Variants in NBEA observed in about 807,000 individuals in gnomAD.
The protein encoded by NBEA is neurobeachin, also known as lysosomal-trafficking regulator 2.
Under a neutral mutation model 343.4 loss-of-function variants are expected in NBEA, and 44 were observed. That is an observed-to-expected ratio of 0.13 (90% CI 0.10 to 0.16). NBEA has a LOEUF of 0.16. NBEA is among the 10% of genes least tolerant of loss of function. The probability of loss-of-function intolerance (pLI) is 1.00; values close to 1 mark genes in which losing one functional copy is unlikely to be tolerated. For synonymous variants in NBEA, 1,175 were observed against 1,238.7 expected (o/e 0.95, Z 1.08); for missense variants, 2,555 against 3,631.3 (o/e 0.70, Z 7.62).
chr13:35,542,071 G>GA (rs954675001), intron 41 of NBEA, among the ~76,000 whole-genome samples: 3 of 151,086 alleles, frequency 2.0e-5, no homozygotes, highest in Admixed American at 2.0e-4. Context: ...ATGAATTAGA[G>GA]AAAAAAAATC....
intron 47 of NBEA, among the ~76,000 whole-genome samples, chr13:35,603,535 T>C (rs2082151195): frequency 2.6e-5 from 4 of 152,206 alleles, no homozygotes; most frequent in Admixed American, 2.6e-4. Context: ...TGGGAAATAA[T>C]ATATGAAAAA....
chr13:35,409,047 A>G (rs2043432143), intron 38 of NBEA, among the ~76,000 whole-genome samples: 1 of 152,196 alleles, frequency 6.6e-6, no homozygotes, highest in South Asian at 2.1e-4. Context: ...ATGCATGTGT[A>G]TGTTCATTGC....
intron 36 of NBEA, among the ~76,000 whole-genome samples, chr13:35,322,410 AC>A (rs1328975374): frequency 6.6e-6 from 1 of 151,964 alleles, no homozygotes; most frequent in Non-Finnish European, 1.5e-5. Context: ...GCTTCAGCTC[AC>A]CCACCGTGGA....
chr13:35,152,335 C>A (rs1327834124), intron 18 of NBEA, among the ~76,000 whole-genome samples: 1 of 152,132 alleles, frequency 6.6e-6, no homozygotes, highest in Non-Finnish European at 1.5e-5. Context: ...ATGTTAGATA[C>A]CATCTTATTC....
intron 34 of NBEA, among the ~76,000 whole-genome samples, chr13:35,289,141 G>A (rs2152817083): frequency 6.6e-6 from 1 of 151,970 alleles, no homozygotes; most frequent in East Asian, 1.9e-4. Flanking sequence ...GAAGGCATTT[G>A]AGACTGTTTA....
intron 40 of NBEA, among the ~76,000 whole-genome samples, chr13:35,458,613 G>T (rs2046716687): frequency 6.6e-6 from 1 of 152,116 alleles, no homozygotes. Flanking sequence ...CTCATAATAA[G>T]TTTTGTTTTG....
intron 33 of NBEA, among the ~76,000 whole-genome samples, chr13:35,220,696 T>C (rs2074314082): frequency 6.6e-6 from 1 of 152,182 alleles, no homozygotes; most frequent in East Asian, 1.9e-4. Flanking sequence ...TCAGGCGCTG[T>C]GGATTTTCTT....
intron 10 of NBEA, among the ~76,000 whole-genome samples, chr13:35,078,302 TAACA>T (rs1420310126): frequency 6.6e-6 from 1 of 152,230 alleles, no homozygotes; most frequent in African/African-American, 2.4e-5. Flanking sequence ...ATAGCTGTAG[TAACA>T]AACAACCTCA....
At chr13:35,376,976 T>G (rs750765655) in intron 38 of NBEA, among the ~76,000 whole-genome samples, 8 of 152,094 alleles carry the variant, frequency 5.3e-5, no homozygotes, top group Non-Finnish European at 1.2e-4. Context: ...AAGGATAAAT[T>G]CTGTGGTGAT....
chr13:35,023,426 T>C (rs1316881865), intron 1 of NBEA, among the ~76,000 whole-genome samples: 1 of 152,168 alleles, frequency 6.6e-6, no homozygotes, highest in Non-Finnish European at 1.5e-5. Flanking sequence ...TTTTTCAATT[T>C]TTATCTTTGT....
intron 1 of NBEA, among the ~76,000 whole-genome samples, chr13:35,006,005 A>G (rs1404253047): frequency 1.3e-5 from 2 of 152,114 alleles, no homozygotes; most frequent in East Asian, 3.9e-4. Flanking sequence ...TATAAGCTGC[A>G]TGTGGTTGAT....
intron 30 of NBEA, chr13:35,186,477 G>GA (rs2071714446): frequency 6.6e-6 from 1 of 152,076 alleles, no homozygotes; most frequent in Non-Finnish European, 1.5e-5. Flanking sequence ...TTCTGTCATT[G>GA]AAATATAACT....
At chr13:35,208,509 A>G (rs1378999656) in intron 31 of NBEA, among the ~76,000 whole-genome samples, 191 bp from the exon 32 acceptor site, 2 of 152,188 alleles carry the variant, frequency 1.3e-5, no homozygotes, top group South Asian at 4.1e-4. Flanking sequence ...ATTAGGCAAC[A>G]CACTTTATAA....
intron 30 of NBEA, among the ~76,000 whole-genome samples, chr13:35,193,474 C>T (rs562978220): frequency 5.3e-5 from 8 of 151,926 alleles, no homozygotes; most frequent in Admixed American, 1.3e-4. Flanking sequence ...CAGTTAGTGA[C>T]GTATTACCAC....
chr13:35,185,413 A>G (rs984893187), intron 30 of NBEA: 1 of 152,188 alleles, frequency 6.6e-6, no homozygotes, highest in Non-Finnish European at 1.5e-5. Flanking sequence ...ATGTACAAAT[A>G]TTATTTTTTA....
intron 1 of NBEA, among the ~76,000 whole-genome samples, chr13:34,961,867 G>A (rs145426413): frequency 0.013 from 2,002 of 152,044 alleles, 17 homozygotes; most frequent in Non-Finnish European, 0.02. Flanking sequence ...CCAGCATGGC[G>A]GCCACTAGCC....
At chr13:34,949,559 T>C (rs572746018) in intron 1 of NBEA, among the ~76,000 whole-genome samples, 1 of 152,322 alleles carries the variant, frequency 6.6e-6, no homozygotes, top group African/African-American at 2.4e-5. Flanking sequence ...TGTGTTCATT[T>C]TGGCCGACCC....
At chr13:35,656,713 T>G (rs971379445) in intron 55 of NBEA, among the ~76,000 whole-genome samples, 3 of 152,190 alleles carry the variant, frequency 2.0e-5, no homozygotes, top group Non-Finnish European at 4.4e-5. Context: ...ATGCATGACT[T>G]TCCTGTATAA....
At chr13:35,168,453 C>T (rs2070208948) in intron 24 of NBEA, among the ~76,000 whole-genome samples, 1 of 151,434 alleles carries the variant, frequency 6.6e-6, no homozygotes, top group Non-Finnish European at 1.5e-5. Flanking sequence ...TATAATCTCT[C>T]AAATATTTTG....
Sources: gnomAD v4.1 joint callset for allele counts (sites outside exome capture counted in the v4.1 genomes callset) on GRCh38, gnomAD v4.1.1 for gene constraint, MANE v1.5 for transcripts, NCBI Gene and HGNC (gene_info 2026-07-23, HGNC 2026-07-21) for gene names.